Variants in DMD observed in about 807,000 individuals in gnomAD.
DMD encodes the protein mutant dystrophin.
DMD carries 63 observed loss-of-function variants against 330.1 expected under a neutral mutation model. The observed-to-expected ratio is 0.19, with a 90% CI of 0.16 to 0.24. The LOEUF (loss-of-function observed/expected upper bound fraction) is 0.24, where lower values mean the gene tolerates loss of function less well. Ranked by LOEUF, DMD falls within the 10% of genes least tolerant of loss-of-function variation. DMD has a pLI of 1.00. For missense variants in DMD, 3,344 were observed against 2,684.1 expected (o/e 1.25, Z -5.43); for synonymous variants, 1,223 against 959.8 (o/e 1.27, Z -5.07).
At chrX:31,898,540 C>T (rs998046170) in intron 47 of DMD, among the ~76,000 whole-genome samples, 5 of 111,587 alleles carry the variant, frequency 4.5e-5, no homozygotes, top group Non-Finnish European at 7.5e-5. Context: ...ATTTAATAAA[C>T]GGTGCTGGGA....
chrX:31,174,339 C>G (rs2040302510), intron 71 of DMD, among the ~76,000 whole-genome samples: 1 of 111,799 alleles, frequency 8.9e-6, no homozygotes, highest in Admixed American at 9.5e-5. Context: ...CAGGAATAGT[C>G]TATATGCTTT....
At chrX:32,302,961 T>A (rs762942529) in intron 42 of DMD, among the ~76,000 whole-genome samples, 207 of 111,244 alleles carry the variant, frequency 1.9e-3, no homozygotes, top group Non-Finnish European at 3.3e-3. Flanking sequence ...TCCAATACAG[T>A]ACTTTGCTAA....
chrX:31,645,241 T>A (rs1000090445), intron 54 of DMD, among the ~76,000 whole-genome samples: 1 of 111,736 alleles, frequency 8.9e-6, no homozygotes, highest in African/African-American at 3.3e-5. Flanking sequence ...ATATCCCTGA[T>A]TACTTCGGTG....
chrX:32,616,166 G>A (rs944717875), intron 11 of DMD, among the ~76,000 whole-genome samples: 11 of 110,764 alleles, frequency 9.9e-5, no homozygotes, highest in African/African-American at 2.0e-4. Context: ...TACCCTCAAC[G>A]TGACTTATCA....
rs768803311 is a variant in DMD, at chrX:31,204,163, A to G, written c.9650-45T>C. 4.4e-6 allele frequency: 5 copies of G among 1,145,242 alleles called. No homozygotes were observed. In the African/African-American group the frequency reaches 5.3e-5, roughly 12 times the overall value. 94.4% of individuals were successfully genotyped at this position (1,145,242 alleles called of 1,213,427 possible). ...TTGCAACAGTCAAAACACAGCACCC[A>G]TGGATGCCAGCAGAACCTGACATCC... On this transcript the variant is annotated intron_variant, in intron 66 of 78. Transcript: ENST00000357033.
At chrX:31,689,877 C>A (rs973060467) in intron 52 of DMD, among the ~76,000 whole-genome samples, 1 of 111,536 alleles carries the variant, frequency 9.0e-6, no homozygotes, top group South Asian at 3.8e-4. Flanking sequence ...GGAAAGGATT[C>A]CCTATTTAAT....
chrX:31,709,610 GT>G (rs2084474622), intron 52 of DMD, among the ~76,000 whole-genome samples: 1 of 108,781 alleles, frequency 9.2e-6, no homozygotes, highest in African/African-American at 3.3e-5. Flanking sequence ...GTGTGTGTGT[GT>G]GTGTGGTGTG....
At chrX:32,015,284 A>G (rs994285295) in intron 44 of DMD, among the ~76,000 whole-genome samples, 5 of 111,533 alleles carry the variant, frequency 4.5e-5, no homozygotes, top group Non-Finnish European at 3.8e-5. Flanking sequence ...GTTAACCCAC[A>G]GTTTTCTTGG....
At chrX:31,346,470 G>T (rs1001436589) in intron 61 of DMD, among the ~76,000 whole-genome samples, 2 of 110,917 alleles carry the variant, frequency 1.8e-5, no homozygotes, top group Non-Finnish European at 3.8e-5. Flanking sequence ...GGTAAAGTAT[G>T]GCTTTTTAAA....
intron 29 of DMD, among the ~76,000 whole-genome samples, chrX:32,421,376 G>A (rs1203532857): frequency 3.6e-5 from 4 of 111,904 alleles, no homozygotes; most frequent in African/African-American, 1.3e-4. Flanking sequence ...CAGGATCTTT[G>A]GCTCTGATAT....
At chrX:32,253,266 T>C (rs1222925621) in intron 43 of DMD, among the ~76,000 whole-genome samples, 1 of 110,298 alleles carries the variant, frequency 9.1e-6, no homozygotes, top group Non-Finnish European at 1.9e-5. Flanking sequence ...TTTAACCCTA[T>C]CGACACTAAG....
At chrX:32,110,272 C>A (rs924795904) in intron 44 of DMD, among the ~76,000 whole-genome samples, 3 of 111,357 alleles carry the variant, frequency 2.7e-5, no homozygotes, top group African/African-American at 9.8e-5. Flanking sequence ...CTCGATTTAT[C>A]CTATAGAAGT....
intron 44 of DMD, among the ~76,000 whole-genome samples, chrX:32,194,995 T>C (rs912103294): frequency 1.8e-5 from 2 of 111,060 alleles, no homozygotes; most frequent in Non-Finnish European, 3.8e-5. Flanking sequence ...ACAACAGTAG[T>C]AAGAGAATGT....
intron 44 of DMD, among the ~76,000 whole-genome samples, chrX:32,207,465 CT>C (rs1206200770): frequency 8.9e-6 from 1 of 111,832 alleles, no homozygotes; most frequent in Non-Finnish European, 1.9e-5. Flanking sequence ...GTCTTAGGTA[CT>C]TTGTTACAGC....
chrX:31,712,554 A>AATGATTGTAATATTTTG (rs11283924), intron 52 of DMD, among the ~76,000 whole-genome samples: 16,373 of 110,695 alleles, frequency 0.15, 1,126 homozygotes, highest in Admixed American at 0.3. Context: ...TGAATGATGT[A>AATGATTGTAATATTTTG]ATGATTGTAA....
intron 74 of DMD, among the ~76,000 whole-genome samples, chrX:31,154,618 G>A (rs1162110088): frequency 9.0e-6 from 1 of 111,074 alleles, no homozygotes; most frequent in Non-Finnish European, 1.9e-5. Context: ...AGTACACAAT[G>A]CACTCGTTTT....
chrX:32,149,019 C>T (rs1400602326), intron 44 of DMD, among the ~76,000 whole-genome samples: 1 of 111,700 alleles, frequency 9.0e-6, no homozygotes, highest in South Asian at 3.7e-4. Context: ...TCTTTTATAC[C>T]ATTTTCTTTA....
In DMD at chrX:31,910,974, G is replaced by A. The variant is rs536148324; in HGVS notation, c.6912+18622C>T. ...TTTCCCTTACTAAATCCACAGCATC[G>A]CCCACATAGGTACAGACTTGTTTGT... On this transcript the variant is annotated intron_variant, in intron 47 of 78. Transcript: ENST00000357033. Among the ~76,000 whole-genome samples, 73 of 112,155 alleles carry A rather than the reference G, an allele frequency of 6.5e-4. No homozygotes were observed. The South Asian group carries it at 0.027, about 42-fold the overall frequency.
At chrX:31,905,623 G>A (rs2094469362) in intron 47 of DMD, among the ~76,000 whole-genome samples, 2 of 110,209 alleles carry the variant, frequency 1.8e-5, no homozygotes, top group Non-Finnish European at 1.9e-5. Flanking sequence ...AAAGGAAGGG[G>A]GGAGAAAGGC....
Sources: gnomAD v4.1 joint callset for allele counts (sites outside exome capture counted in the v4.1 genomes callset) on GRCh38, gnomAD v4.1.1 for gene constraint, MANE v1.5 for transcripts, NCBI Gene and HGNC (gene_info 2026-07-23, HGNC 2026-07-21) for gene names.